Variants in SLC26A1 observed in about 807,000 individuals in gnomAD.
SLC26A1 encodes solute carrier family 26 member 1.
Under a neutral mutation model 14.5 loss-of-function variants are expected in SLC26A1, and 18 were observed. The observed-to-expected ratio is 1.24, with a 90% CI of 0.86 to 1.84. The LOEUF is 1.84. SLC26A1 is among the 40% of genes most tolerant of loss of function. The pLI is 0.00. For synonymous variants in SLC26A1, 505 were observed against 492.0 expected (o/e 1.03, Z -0.35); for missense variants, 1,049 against 1,020.0 (o/e 1.03, Z -0.39).
chr4:982,130 A>G (rs111990814), intron 2 of SLC26A1, among the ~76,000 whole-genome samples: 2,757 of 152,018 alleles, frequency 0.018, 62 homozygotes, highest in African/African-American at 0.062. Flanking sequence ...AGTGCCGTCC[A>G]CTCTTAAAAC....
intron 2 of SLC26A1, chr4:990,793 C>T: frequency 2.5e-6 from 1 of 398,434 alleles, no homozygotes; most frequent in Non-Finnish European, 4.5e-6. Context: ...GGAGGCCATC[C>T]CCCACTCCAC....
In SLC26A1 at chr4:988,436, A is replaced by C. The variant is rs1004895958; in HGVS notation, c.*397T>G. 2.8e-6 allele frequency: 3 copies of C among 1,070,778 alleles called. No homozygotes were observed. Among genetic ancestry groups the C allele is most frequent in the Admixed American group, 5.0e-5 (1 of 20,036 alleles). The allele number at this position is 1,070,778 out of a possible 1,614,324, so 66.3% of individuals were successfully genotyped here. ...GCCAGAGCCGCTGGCTCCTACCAGC[A>C]GGGTGGGCACCGGGCAGGCCTGGGC... is the stretch of plus-strand genomic sequence containing the variant. On this transcript the variant is annotated 3_prime_UTR_variant, in exon 3 of 3. Coordinates refer to ENST00000398516, the MANE Select transcript of SLC26A1 (RefSeq NM_022042.4).
rs774140993 is a variant in SLC26A1, at chr4:989,094, G to A, written c.1845C>T (p.Asp615=). The A allele has an allele frequency of 3.1e-6, 5 of 1,602,016 alleles. No homozygotes were observed. In the East Asian group the frequency reaches 9.1e-5, roughly 29 times the overall value. The change falls in exon 3 of 3, where the codon GAC becomes GAT. Residue 615 remains aspartate, a synonymous_variant. Coordinates refer to ENST00000398516, the MANE Select transcript of SLC26A1 (RefSeq NM_022042.4). ...AAAGFHTVVI[D]CAPLLFLDAA... Reference sequence around the variant, plus strand: ...CGTCTAGGAACAGCAGCGGGGCGCAGTCGATGACCACTGTGTGGAAGCCGG... The same window carrying A: ...CGTCTAGGAACAGCAGCGGGGCGCAATCGATGACCACTGTGTGGAAGCCGG...
intron 2 of SLC26A1, among the ~76,000 whole-genome samples, chr4:981,207 G>A (rs1338414686): frequency 6.6e-6 from 1 of 152,250 alleles, no homozygotes; most frequent in Non-Finnish European, 1.5e-5. Context: ...TTCTTCAGAG[G>A]CGCGGGCCCA....
At position 989,892 on chromosome 4, in the gene SLC26A1, G is replaced by T; in HGVS notation, c.1047C>A (p.Ala349=). The change falls in exon 3 of 3, where the codon GCC becomes GCA. Residue 349 remains alanine (A), a synonymous_variant. Coordinates refer to ENST00000398516, the MANE Select transcript of SLC26A1 (RefSeq NM_022042.4). Reference sequence around the variant, plus strand: ...AGATGGAGAAGGCGGCAGCCACGAGGGCCAGGGCCACGGCATCCAAAGCCA... The same window carrying T: ...AGATGGAGAAGGCGGCAGCCACGAGTGCCAGGGCCACGGCATCCAAAGCCA... The part of the protein sequence containing the change: ...QRVALDAVAL[A]LVAAAFSISL... 1 of 1,568,242 alleles carries T rather than the reference G, an allele frequency of 6.4e-7. No individual in the cohort carries two copies. The highest frequency in any genetic ancestry group is 1.2e-5 in the South Asian group (1 of 85,468).
intron 2 of SLC26A1, among the ~76,000 whole-genome samples, chr4:981,915 G>C (rs960369388): frequency 2.6e-4 from 40 of 152,162 alleles, no homozygotes; most frequent in Middle Eastern, 3.4e-3. Context: ...CACTTCCCGG[G>C]TTCACGCCAT....
downstream of SLC26A1, among the ~76,000 whole-genome samples, chr4:986,373 T>G (rs1713729920): frequency 6.6e-6 from 1 of 152,178 alleles, no homozygotes; most frequent in Admixed American, 6.5e-5. Context: ...CTCAAGTACT[T>G]GATATAAAAT....
At chr4:985,391 T>G (rs6599391), downstream of SLC26A1, among the ~76,000 whole-genome samples, 27,094 of 152,228 alleles carry the variant, frequency 0.18, 2,588 homozygotes, top group Middle Eastern at 0.25. Flanking sequence ...ACGGTTCCGT[T>G]CAGCGCTCTC....
chr4:990,400 C>A (rs778445363), intron 2 of SLC26A1, 38 bp from the exon 3 acceptor site: 26 of 1,527,482 alleles, frequency 1.7e-5, no homozygotes, highest in Middle Eastern at 2.1e-4. Context: ...AGGCGCCTGG[C>A]GGGAGCCACC....
chr4:987,660 C>T lies in SLC26A1; in HGVS notation c.*1173G>A, dbSNP rs1311973722. On this transcript the variant is annotated 3_prime_UTR_variant, in exon 3 of 3. Coordinates refer to ENST00000398516, the MANE Select transcript of SLC26A1 (RefSeq NM_022042.4). ...ATGAAGATGGGACCTCCCCACATTC[C>T]TGGCCCTAAGGGTCATTTTATTAGT... 3.0e-5 allele frequency: 44 copies of T among 1,467,438 alleles called. No homozygotes were observed. Among genetic ancestry groups the T allele is most frequent in the Non-Finnish European group, 3.8e-5 (42 of 1,106,528 alleles). 90.9% of individuals were successfully genotyped at this position (1,467,438 alleles called of 1,614,324 possible). A position where few individuals can be genotyped will look rare whatever the true frequency, so the allele number is the denominator to read the frequency against.
chr4:991,269 GC>G lies in SLC26A1; in HGVS notation c.434del (p.Gly145AlafsTer42). 6.2e-7 allele frequency: 1 copy of G among 1,612,680 alleles called. No homozygotes were observed. Among genetic ancestry groups the G allele is most frequent in the Non-Finnish European group, 8.5e-7 (1 of 1,179,862 alleles). ...QVVDRELQLA[G>X]FDPSQDGLQP... The stretch of plus-strand genomic sequence containing the variant: ...GCAGGCCGTCCTGGGAGGGGTCAAA[GC>G]CGGCCAGCTGGAGCTCCCGGTCCAC... On this transcript the variant is annotated frameshift_variant, in exon 2 of 3. Transcript: ENST00000398516. LOFTEE classifies it high-confidence loss of function.
At chr4:982,008 A>G (rs2153013980) in intron 2 of SLC26A1, among the ~76,000 whole-genome samples, 1 of 152,142 alleles carries the variant, frequency 6.6e-6, no homozygotes, top group Admixed American at 6.5e-5. Flanking sequence ...TTTAGTAGAG[A>G]CGAGTTTTCA....
intron 2 of SLC26A1, among the ~76,000 whole-genome samples, chr4:981,953 G>A (rs1560529077): frequency 6.6e-6 from 1 of 152,146 alleles, no homozygotes; most frequent in Non-Finnish European, 1.5e-5. Context: ...CCAAGTAGCT[G>A]GGACTACAGG....
At position 991,277 on chromosome 4, in the gene SLC26A1, G is replaced by A. The variant is rs1219815765; in HGVS notation, c.427C>T (p.Leu143=). 2 of 1,612,716 alleles carry A rather than the reference G, an allele frequency of 1.2e-6. No individual in the cohort carries two copies. ...TCCTGGGAGGGGTCAAAGCCGGCCA[G>A]CTGGAGCTCCCGGTCCACCACCTGC... is the stretch of plus-strand genomic sequence containing the variant. The part of the protein sequence containing the change: ...VGQVVDRELQ[L]AGFDPSQDGL... Residue 143 remains leucine, a synonymous_variant, in exon 2 of 3, where the codon CTG becomes TTG. Transcript: ENST00000398516.
exon 3 of SLC26A1, chr4:979,409 G>A: frequency 6.5e-7 from 1 of 1,530,460 alleles, no homozygotes; most frequent in Non-Finnish European, 9.0e-7. Flanking sequence ...TGTTAAATCA[G>A]CAAGATCTTT....
chr4:983,339 C>T (rs763409610), downstream of SLC26A1, among the ~76,000 whole-genome samples: 1 of 152,190 alleles, frequency 6.6e-6, no homozygotes, highest in Non-Finnish European at 1.5e-5. Context: ...CAAAGCCAGC[C>T]ATAAACCTAA....
At chr4:979,168 A>G (rs189431365) in exon 3 of SLC26A1, 5 of 406,504 alleles carry the variant, frequency 1.2e-5, no homozygotes, top group Non-Finnish European at 1.8e-5. Flanking sequence ...GCTTTGCTTT[A>G]CAGAAATGTA....
Position 990,083 on chromosome 4 carries a change from G to A in SLC26A1, c.856C>T (p.His286Tyr), listed in dbSNP as rs1714146330. ...AAKELSDRYR[H>Y]RLRVPLPTEL... ...GTGGGCAGCGGCACCCTCAGGCGGT[G>A]TCGGTAGCGGTCTGAGAGCTCCTTC... Residue 286 changes from histidine to tyrosine, a missense_variant, in exon 3 of 3, where the codon CAC (histidine) becomes TAC (tyrosine). By Grantham distance (83) the His-to-Tyr change is moderately conservative (BLOSUM62 2). Coordinates refer to ENST00000398516, the MANE Select transcript of SLC26A1 (RefSeq NM_022042.4). The A allele has an allele frequency of 1.3e-6, 2 of 1,598,506 alleles. No homozygotes were observed. The highest frequency in any genetic ancestry group is 1.3e-5 in the African/African-American group (1 of 74,720).
intron 2 of SLC26A1, among the ~76,000 whole-genome samples, chr4:980,075 G>A (rs1025095891): frequency 1.3e-5 from 2 of 152,214 alleles, no homozygotes; most frequent in African/African-American, 4.8e-5. Context: ...GGGCAAATGA[G>A]GCAGGGTGGA....
Sources: gnomAD v4.1 joint callset for allele counts (sites outside exome capture counted in the v4.1 genomes callset) on GRCh38, gnomAD v4.1.1 for gene constraint, MANE v1.5 for transcripts, NCBI Gene and HGNC (gene_info 2026-07-23, HGNC 2026-07-21) for gene names.